Variants in ASIC2 observed in about 807,000 individuals in gnomAD.
ASIC2 encodes acid-sensing ion channel 2.
Under a neutral mutation model 57.3 loss-of-function variants are expected in ASIC2, and 25 were observed. The observed-to-expected ratio is 0.44, with a 90% CI of 0.32 to 0.61. The LOEUF is 0.61. Ranked by LOEUF, ASIC2 falls within the 20% of genes least tolerant of loss-of-function variation. The pLI is 0.06. For missense variants in ASIC2, 641 were observed against 738.1 expected, an observed-to-expected ratio of 0.87 and a Z score of 1.52; for synonymous variants, 319 against 307.5, an observed-to-expected ratio of 1.04 and a Z score of -0.39.
chr17:33,292,094 C>G lies in ASIC2; in HGVS notation c.22G>C (p.Gly8Arg), dbSNP rs1905499615. The change falls in exon 1 of 10, where the codon GGG becomes CGG. Residue 8 changes from glycine to arginine, a missense_variant. Physicochemically the swap from Gly to Arg is moderately radical, Grantham distance 125 (BLOSUM62 -2). This residue lies in a region of ASIC2 where 382 missense variants were observed against 398.0 expected (regional missense o/e 0.96). Transcript: ENST00000225823. The part of the protein sequence containing the change: MSRIGGA[G>R]LPAAALTGPG... ...CCGGTGAGCGCGGCTGCGGGCAGCC[C>G]GGCTCCGCCAATCCGGCTCATTCAT... is the stretch of plus-strand genomic sequence containing the variant. 1.2e-5 allele frequency: 13 copies of G among 1,049,176 alleles called. No homozygotes were observed. The South Asian group carries it at 1.3e-4, about 11-fold the overall frequency. The allele number at this position is 1,049,176 out of a possible 1,614,324, so 65.0% of individuals were successfully genotyped here. A position where few individuals can be genotyped will look rare whatever the true frequency, so the allele number is the denominator to read the frequency against.
chr17:34,004,341 A>G (rs1906452563), intron 1 of ASIC2: 1 of 152,198 alleles, frequency 6.6e-6, no homozygotes, highest in Non-Finnish European at 1.5e-5. Context: ...ATCCCCTCCC[A>G]CCACATCACT....
rs3052916 is a variant in ASIC2 at position 33,044,261 on chromosome 17, CCCATCCATCCAT to C, written c.988-15881_988-15870del. Among the ~76,000 whole-genome samples, 1,170 of 137,718 alleles carry C rather than the reference CCCATCCATCCAT, an allele frequency of 8.5e-3. 13 individuals carry two copies. Among genetic ancestry groups the C allele is most frequent in the African/African-American group, 0.025 (938 of 37,318 alleles). 90.3% of individuals were successfully genotyped at this position (137,718 alleles called of 152,430 possible). A position where few individuals can be genotyped will look rare whatever the true frequency, so the allele number is the denominator to read the frequency against. ...ATCTGTCCATCTGTTCATCCATCTA[CCCATCCATCCAT>C]CCATCCATCCATCCATCCATCCATC... On this transcript the variant is annotated intron_variant, in intron 3 of 9. Transcript: ENST00000225823.
chr17:33,859,014 C>T (rs1482112855), intron 1 of ASIC2, among the ~76,000 whole-genome samples: 2 of 152,190 alleles, frequency 1.3e-5, no homozygotes, highest in Non-Finnish European at 1.5e-5. Flanking sequence ...AAAGATAAAC[C>T]ATATTCATTC....
chr17:33,275,405 T>C (rs1209722639), intron 1 of ASIC2, among the ~76,000 whole-genome samples: 1 of 152,232 alleles, frequency 6.6e-6, no homozygotes, highest in African/African-American at 2.4e-5. Context: ...TGTCTGGCCA[T>C]AGCAGATCCT....
chr17:33,362,484 A>T (rs1908648580), intron 1 of ASIC2, among the ~76,000 whole-genome samples: 1 of 152,218 alleles, frequency 6.6e-6, no homozygotes. Flanking sequence ...TAAGCTCTGG[A>T]TGATGTTGGG....
chr17:33,581,019 C>T (rs1237762978), intron 1 of ASIC2: 3 of 152,164 alleles, frequency 2.0e-5, no homozygotes, highest in Admixed American at 6.5e-5. Flanking sequence ...TGAGATACCA[C>T]GTCCATGAAT....
At chr17:33,941,890 G>T (rs1056091235) in intron 1 of ASIC2, among the ~76,000 whole-genome samples, 1 of 152,314 alleles carries the variant, frequency 6.6e-6, no homozygotes, top group East Asian at 1.9e-4. Context: ...GCCAGAGAAA[G>T]GCTGTTTGGC....
intron 1 of ASIC2, among the ~76,000 whole-genome samples, chr17:33,821,945 C>G (rs1251063436): frequency 6.6e-6 from 1 of 152,114 alleles, no homozygotes; most frequent in Non-Finnish European, 1.5e-5. Flanking sequence ...GTCTTCTGTT[C>G]TAGCTGGGAA....
chr17:33,843,290 G>C (rs1022281804), intron 1 of ASIC2, among the ~76,000 whole-genome samples: 1 of 152,104 alleles, frequency 6.6e-6, no homozygotes, highest in African/African-American at 2.4e-5. Flanking sequence ...GGTGAGAAAC[G>C]GAAGGCTAAG....
rs554177963 is a variant in ASIC2 at position 33,832,730 on chromosome 17, G to T, written c.555+323248C>A. ...AAGTATGTTTTTGCCACAGGATCCA[G>T]CAACTCCATTTCTAGAATATATTTA... On this transcript the variant is annotated intron_variant, in intron 1 of 9. Coordinates refer to the ASIC2 transcript ENST00000359872. 1.2e-3 allele frequency among the ~76,000 whole-genome samples: 177 copies of T among 152,340 alleles called. 1 individual carries two copies. The highest frequency in any genetic ancestry group is 4.0e-3 in the African/African-American group (166 of 41,578).
intron 1 of ASIC2, among the ~76,000 whole-genome samples, chr17:33,333,501 T>C (rs1336473509): frequency 6.6e-6 from 1 of 152,192 alleles, no homozygotes; most frequent in Non-Finnish European, 1.5e-5. Flanking sequence ...GAATTATAAG[T>C]ATATAAAAAT....
At chr17:33,839,282 A>T (rs1364108342) in intron 1 of ASIC2, among the ~76,000 whole-genome samples, 1 of 152,216 alleles carries the variant, frequency 6.6e-6, no homozygotes, top group African/African-American at 2.4e-5. Flanking sequence ...TGCTTCAGAG[A>T]CTAGCACAAC....
intron 1 of ASIC2, among the ~76,000 whole-genome samples, chr17:33,663,706 A>G (rs931070547): frequency 1.3e-5 from 2 of 152,288 alleles, no homozygotes; most frequent in African/African-American, 4.8e-5. Flanking sequence ...GGGGACACAG[A>G]CTGTAATTTT....
intron 1 of ASIC2, among the ~76,000 whole-genome samples, chr17:33,746,404 G>A (rs2701479): frequency 0.41 from 59,901 of 146,366 alleles, 13,524 homozygotes; most frequent in Non-Finnish European, 0.53. Context: ...GTAGATACAT[G>A]TATGTATATC....
chr17:33,517,390 A>G (rs369742725), intron 1 of ASIC2, among the ~76,000 whole-genome samples: 1 of 152,228 alleles, frequency 6.6e-6, no homozygotes, highest in African/African-American at 2.4e-5. Flanking sequence ...TGCTGGGATT[A>G]CAGGCGCGAG....
chr17:33,416,785 A>G (rs1049737545), intron 1 of ASIC2, among the ~76,000 whole-genome samples: 17 of 152,188 alleles, frequency 1.1e-4, no homozygotes, highest in African/African-American at 4.1e-4. Flanking sequence ...GTGGAATAAC[A>G]AGTCCCCCTT....
intron 3 of ASIC2, among the ~76,000 whole-genome samples, chr17:33,064,314 A>T (rs138952910): frequency 0.018 from 2,720 of 152,136 alleles, 64 homozygotes; most frequent in African/African-American, 0.057. Context: ...GTGTTTGATG[A>T]TGGTGACGTA....
chr17:33,970,359 C>A (rs1905193734), intron 1 of ASIC2, among the ~76,000 whole-genome samples: 1 of 152,152 alleles, frequency 6.6e-6, no homozygotes, highest in South Asian at 2.1e-4. Context: ...GCATCTTGAC[C>A]AGGCCACGCT....
chr17:33,975,652 G>C (rs185701501), intron 1 of ASIC2, among the ~76,000 whole-genome samples: 104 of 152,158 alleles, frequency 6.8e-4, no homozygotes, highest in Admixed American at 1.3e-3. Flanking sequence ...GTTTGACTCG[G>C]CTGGAGACCT....
Sources: gnomAD v4.1 joint callset for allele counts (sites outside exome capture counted in the v4.1 genomes callset) on GRCh38, gnomAD v4.1.1 for gene constraint, gnomAD v4.1.1 regional missense constraint, MANE v1.5 for transcripts, NCBI Gene and HGNC (gene_info 2026-07-23, HGNC 2026-07-21) for gene names.